Variants in TMEM131 observed in about 807,000 individuals in gnomAD.
TMEM131 encodes 2610524E03Rik.
In TMEM131, 66 loss-of-function variants were observed where a neutral mutation model predicts 211.6. The observed-to-expected ratio is 0.31, with a 90% confidence interval of 0.26 to 0.38. The LOEUF (loss-of-function observed/expected upper bound fraction) is 0.38. TMEM131 is among the 10% of genes least tolerant of loss of function. The probability of loss-of-function intolerance (pLI) is 1.00; values close to 1 mark genes in which losing one functional copy is unlikely to be tolerated. For missense variants in TMEM131, 2,036 were observed against 2,299.3 expected, an observed-to-expected ratio of 0.89 and a Z score of 2.34; for synonymous variants, 844 against 841.3, an observed-to-expected ratio of 1.00 and a Z score of -0.06.
intron 1 of TMEM131, among the ~76,000 whole-genome samples, chr2:97,987,529 A>G (rs1416228172): frequency 6.6e-6 from 1 of 152,096 alleles, no homozygotes; most frequent in African/African-American, 2.4e-5. Context: ...AAAACAAAAA[A>G]AAGTCACAAA....
At chr2:97,822,319 A>G (rs1682163155) in intron 11 of TMEM131, among the ~76,000 whole-genome samples, 1 of 152,094 alleles carries the variant, frequency 6.6e-6, no homozygotes, top group Non-Finnish European at 1.5e-5. Context: ...GGCCTAACAA[A>G]AGCTATTCCT....
chr2:97,904,299 A>G (rs1481857218), intron 3 of TMEM131, among the ~76,000 whole-genome samples: 1 of 152,158 alleles, frequency 6.6e-6, no homozygotes, highest in Non-Finnish European at 1.5e-5. Context: ...TCATGTCTAC[A>G]AATGATTTTC....
At chr2:97,773,142 C>A (rs139767735) in intron 32 of TMEM131, among the ~76,000 whole-genome samples, 113 of 152,322 alleles carry the variant, frequency 7.4e-4, no homozygotes, top group African/African-American at 2.5e-3. Context: ...ACTCTCAGGA[C>A]AAGAGAGCAG....
intron 1 of TMEM131, among the ~76,000 whole-genome samples, chr2:97,956,205 T>C (rs961499073): frequency 3.3e-5 from 5 of 152,170 alleles, no homozygotes; most frequent in African/African-American, 4.8e-5. Flanking sequence ...GCCACACAAA[T>C]ATGCCCAATT....
intron 1 of TMEM131, among the ~76,000 whole-genome samples, chr2:97,937,959 T>G (rs1677521191): frequency 6.6e-6 from 1 of 152,090 alleles, no homozygotes; most frequent in Non-Finnish European, 1.5e-5. Context: ...ATAAAATCCT[T>G]TACAGACAAA....
At chr2:97,874,193 G>A (rs1472699429) in intron 4 of TMEM131, among the ~76,000 whole-genome samples, 6 of 152,128 alleles carry the variant, frequency 3.9e-5, no homozygotes, top group African/African-American at 1.4e-4. Flanking sequence ...AAAAAGGAAT[G>A]AACAAAGCCT....
At chr2:97,981,064 A>G (rs1209136322) in intron 1 of TMEM131, among the ~76,000 whole-genome samples, 3 of 139,012 alleles carry the variant, frequency 2.2e-5, no homozygotes, top group Non-Finnish European at 3.1e-5. Flanking sequence ...AAAAAAAAAA[A>G]AAAGTTTAAA....
At chr2:97,954,094 C>G (rs574865744) in intron 1 of TMEM131, among the ~76,000 whole-genome samples, 1 of 152,242 alleles carries the variant, frequency 6.6e-6, no homozygotes, top group African/African-American at 2.4e-5. Flanking sequence ...TCTCTGTCCC[C>G]TACTTTAAGA....
At chr2:97,904,495 T>C (rs1675988276) in intron 3 of TMEM131, among the ~76,000 whole-genome samples, 2 of 152,174 alleles carry the variant, frequency 1.3e-5, no homozygotes, top group African/African-American at 4.8e-5. Flanking sequence ...TTTTTCCATC[T>C]TTTCTCTAAA....
chr2:97,975,530 G>A (rs1043868805), intron 1 of TMEM131, among the ~76,000 whole-genome samples: 2 of 151,968 alleles, frequency 1.3e-5, no homozygotes, highest in African/African-American at 2.4e-5. Flanking sequence ...TAGATGAAAT[G>A]AACAAATTCT....
intron 10 of TMEM131, among the ~76,000 whole-genome samples, chr2:97,833,855 G>A (rs906650201): frequency 1.3e-5 from 2 of 151,872 alleles, no homozygotes; most frequent in Non-Finnish European, 2.9e-5. Context: ...TAGAGATGGG[G>A]TCTCGTCATG....
chr2:97,785,818 T>C (rs954745169), intron 31 of TMEM131, among the ~76,000 whole-genome samples: 3 of 152,210 alleles, frequency 2.0e-5, no homozygotes, highest in African/African-American at 7.2e-5. Flanking sequence ...ATCCATAAGT[T>C]GGACTACTAT....
chr2:97,863,748 C>T (rs1366970723), intron 4 of TMEM131, among the ~76,000 whole-genome samples: 1 of 152,030 alleles, frequency 6.6e-6, no homozygotes, highest in Non-Finnish European at 1.5e-5. Flanking sequence ...CAAATACTGG[C>T]AAGGATATGG....
Position 97,859,360 on chromosome 2 carries a change from A to G in TMEM131, c.427T>C (p.Leu143=). The G allele has an allele frequency of 6.2e-7, 1 of 1,602,026 alleles. No individual in the cohort carries two copies. ...GATGTTGTAGCAGATATTGATACTA[A>G]AGTAATCGTTTCTTCAGAACTAGGA... ...HNPSSEETIT[L]VSISATTSHF... Residue 143 remains leucine (L), a synonymous_variant, in exon 5 of 41, where the codon TTA becomes CTA. Transcript: ENST00000186436.
chr2:97,993,094 T>A (rs1412328181), intron 1 of TMEM131, among the ~76,000 whole-genome samples: 2 of 152,250 alleles, frequency 1.3e-5, no homozygotes, highest in Admixed American at 1.3e-4. Context: ...CAGCTTTTCT[T>A]CAGGAGACAA....
intron 2 of TMEM131, among the ~76,000 whole-genome samples, chr2:97,924,655 G>T (rs1456284813): frequency 6.6e-6 from 1 of 152,306 alleles, no homozygotes; most frequent in Admixed American, 6.5e-5. Context: ...ATGCCCTTAG[G>T]AAAGTACCTG....
At chr2:97,914,640 T>G (rs1676433570) in intron 2 of TMEM131, among the ~76,000 whole-genome samples, 1 of 152,204 alleles carries the variant, frequency 6.6e-6, no homozygotes, top group South Asian at 2.1e-4. Flanking sequence ...CATGTAACCT[T>G]TTGGAGTTGG....
At chr2:97,899,889 A>G (rs1675776542) in intron 3 of TMEM131, among the ~76,000 whole-genome samples, 1 of 152,142 alleles carries the variant, frequency 6.6e-6, no homozygotes, top group Non-Finnish European at 1.5e-5. Context: ...TTTTATGGTA[A>G]GAACACAAAA....
intron 7 of TMEM131, among the ~76,000 whole-genome samples, chr2:97,838,748 A>G (rs1481435565): frequency 2.6e-5 from 4 of 152,014 alleles, no homozygotes; most frequent in African/African-American, 9.7e-5. Context: ...TGGACCCTTA[A>G]AGGTTTTTTT....
Sources: allele counts gnomAD v4.1 joint callset (sites outside exome capture counted in the v4.1 genomes callset), GRCh38; gene constraint gnomAD v4.1.1; transcripts MANE v1.5; gene names NCBI Gene and HGNC (gene_info 2026-07-23, HGNC 2026-07-21).